Variants in FCRL5 observed in about 807,000 individuals in gnomAD.
FCRL5 encodes Fc receptor like 5, also known as Fc receptor-like protein 5.
A neutral mutation model predicts 92.1 loss-of-function variants in FCRL5; 79 were observed. That is an observed-to-expected ratio of 0.86 (90% CI 0.72 to 1.03). The LOEUF is 1.03. Among genes scored for constraint, FCRL5 ranks in the 50% least tolerant of loss-of-function variants. The probability of loss-of-function intolerance (pLI) is 0.00; values close to 1 mark genes in which losing one functional copy is unlikely to be tolerated. For synonymous variants in FCRL5, 466 were observed against 469.3 expected (o/e 0.99, Z 0.09); for missense variants, 1,160 against 1,181.1 (o/e 0.98, Z 0.26).
At position 157,518,749 on chromosome 1, in the gene FCRL5, G is replaced by C. The variant is rs761577267; in HGVS notation, c.2694C>G (p.Thr898=). The change falls in exon 14 of 17, where the codon ACC becomes ACG. Residue 898 remains threonine (T), a synonymous_variant. Coordinates refer to ENST00000361835, the MANE Select transcript of FCRL5 (RefSeq NM_031281.3). ...CTTCCCAGGCTGGTACATTGTGATA[G>C]GTGGGCTCTTGGGAGTCCGAGTCTG... ...SPSDSDSQEP[T]YHNVPAWEEL... is the part of the protein sequence containing the mutation. 2.5e-6 allele frequency: 4 copies of C among 1,613,552 alleles called. No homozygotes were observed. In the South Asian group the frequency reaches 3.3e-5, roughly 13 times the overall value.
chr1:157,515,986 G>C, intron 15 of FCRL5, 113 bp from the exon 16 acceptor site: 1 of 1,150,384 alleles, frequency 8.7e-7, no homozygotes, highest in Non-Finnish European at 1.3e-6. Context: ...CCCTCTGTGC[G>C]GTGAGTAGCC....
In FCRL5 at chr1:157,524,561, A is replaced by C; in HGVS notation, c.1961-4T>G. On this transcript the variant is annotated splice_polypyrimidine_tract_variant and splice_region_variant and intron_variant, in intron 9 of 16. Transcript: ENST00000361835. ...AGGATGGGACGAGATACTGGAACTG[A>C]GGGAGGAAAAACGTTATGTATCAGC... 1 of 1,572,306 alleles carries C rather than the reference A, an allele frequency of 6.4e-7. No individual in the cohort carries two copies. Among genetic ancestry groups the C allele is most frequent in the Non-Finnish European group, 8.6e-7 (1 of 1,159,850 alleles).
rs751950498 is a variant in FCRL5, at chr1:157,524,269, G to A, written c.2239+10C>T. On this transcript the variant is annotated intron_variant, in intron 10 of 16. Transcript: ENST00000361835. Reference sequence around the variant, plus strand: ...CTCAGATGTGCTGCTGGTGGGCAGGGCCCACTCACCTGCAACTTTCAGTGT... The same window carrying A: ...CTCAGATGTGCTGCTGGTGGGCAGGACCCACTCACCTGCAACTTTCAGTGT... The A allele has an allele frequency of 1.8e-5, 29 of 1,613,850 alleles. No homozygotes were observed. Among genetic ancestry groups the A allele is most frequent in the African/African-American group, 2.7e-5 (2 of 74,942 alleles).
In FCRL5 at chr1:157,526,177, C is replaced by T. The variant is rs77723816; in HGVS notation, c.1960+1440G>A. Among the ~76,000 whole-genome samples, 244 of 152,242 alleles carry T rather than the reference C, an allele frequency of 1.6e-3. 1 individual carries two copies. Among genetic ancestry groups the T allele is most frequent in the African/African-American group, 5.8e-3 (239 of 41,522 alleles). On this transcript the variant is annotated intron_variant, in intron 9 of 16. Transcript: ENST00000361835. ...GAAGAGAGCCAGAAGAAGATAGATT[C>T]ACTGAAGGGAGGGTTTCAAGAAGGA...
chr1:157,520,318 AGAGCGGAT>A (rs771983895), intron 12 of FCRL5, 105 bp downstream of exon 12: 2 of 710,068 alleles, frequency 2.8e-6, no homozygotes, highest in Non-Finnish European at 4.8e-6. Context: ...ATTGAGGGAC[AGAGCGGAT>A]GAGCTCTTGC....
intron 8 of FCRL5, among the ~76,000 whole-genome samples, chr1:157,529,054 C>T (rs1334035844): frequency 1.3e-5 from 2 of 152,214 alleles, no homozygotes; most frequent in African/African-American, 4.8e-5. Context: ...TATTCACAGA[C>T]TATGCATCTG....
At chr1:157,545,691 G>T (rs1207236612) in intron 3 of FCRL5, among the ~76,000 whole-genome samples, 3 of 151,986 alleles carry the variant, frequency 2.0e-5, no homozygotes, top group African/African-American at 7.2e-5. Flanking sequence ...ACCAAGCCCG[G>T]CTAATTTTTT....
chr1:157,521,336 T>C (rs771762327), intron 10 of FCRL5, 44 bp from the exon 11 acceptor site: 5 of 1,545,804 alleles, frequency 3.2e-6, no homozygotes, highest in Middle Eastern at 1.7e-4. Context: ...GCTTCTAACA[T>C]ATTTGTAAGA....
At position 157,514,393 on chromosome 1, in the gene FCRL5, C is replaced by T. The variant is rs753532313; in HGVS notation, c.*1282G>A. 1.1e-4 allele frequency: 16 copies of T among 152,216 alleles called. No individual in the cohort carries two copies. The highest frequency in any genetic ancestry group is 1.9e-4 in the East Asian group (1 of 5,188). The allele number at this position is 152,216 out of a possible 1,614,324, so 9.4% of individuals were successfully genotyped here. ...AACAAAGATAGTGGCAGCTACTTTC[C>T]GCTTCCCAGGGTGGCTGATGAAAGC... On this transcript the variant is annotated 3_prime_UTR_variant, in exon 17 of 17. Coordinates refer to ENST00000361835, the MANE Select transcript of FCRL5 (RefSeq NM_031281.3).
rs1651720958 is a variant in FCRL5 at position 157,549,596 on chromosome 1, A to T, written c.32-16T>A. ...CTGACAGGAGCTGCAAAAAAATAAG[A>T]GCCAGAGATGAGCACAGAACCATGA... is the stretch of plus-strand genomic sequence containing the variant. On this transcript the variant is annotated splice_polypyrimidine_tract_variant and intron_variant, in intron 1 of 16. Coordinates refer to ENST00000361835, the MANE Select transcript of FCRL5 (RefSeq NM_031281.3). 6.2e-7 allele frequency: 1 copy of T among 1,607,368 alleles called. No homozygotes were observed. Among genetic ancestry groups the T allele is most frequent in the Non-Finnish European group, 8.5e-7 (1 of 1,178,990 alleles).
intron 3 of FCRL5, chr1:157,546,251 T>C: frequency 2.2e-6 from 1 of 454,050 alleles, no homozygotes; most frequent in Non-Finnish European, 4.4e-6. Context: ...AGTTCAACAT[T>C]AGCCTGGGCA....
intron 9 of FCRL5, among the ~76,000 whole-genome samples, chr1:157,526,053 A>G (rs1237028019): frequency 6.6e-6 from 1 of 152,232 alleles, no homozygotes; most frequent in Non-Finnish European, 1.5e-5. Flanking sequence ...AGATAAGAGA[A>G]GAGGGCATAA....
rs1558142961 is a variant in FCRL5, at chr1:157,547,115, C to T, written c.135G>A (p.Lys45=). 5 of 1,614,156 alleles carry T rather than the reference C, an allele frequency of 3.1e-6. No individual in the cohort carries two copies. Among genetic ancestry groups the T allele is most frequent in the Non-Finnish European group, 4.2e-6 (5 of 1,180,026 alleles). The change falls in exon 3 of 17, where the codon AAG becomes AAA. Residue 45 remains lysine (K), a synonymous_variant. Coordinates refer to ENST00000361835, the MANE Select transcript of FCRL5 (RefSeq NM_031281.3). ...TCTGTGGTGAGTAGAAGCGAAATCC[C>T]TTGCAAGTGAGGGTCACTCTCTCTC... ...FQGERVTLTC[K]GFRFYSPQKT...
intron 3 of FCRL5, chr1:157,546,079 C>G (rs1227586136): frequency 4.2e-6 from 1 of 238,846 alleles, no homozygotes. Context: ...TATTTATCTA[C>G]CTATGCATTA....
chr1:157,545,588 GT>G, intron 3 of FCRL5, among the ~76,000 whole-genome samples: 1 of 143,994 alleles, frequency 6.9e-6, no homozygotes, highest in East Asian at 2.0e-4. Flanking sequence ...GACTGCAGTG[GT>G]GCTATCTCGG....
Position 157,552,341 on chromosome 1 carries a change from G to A in FCRL5, c.22C>T (p.Leu8=), listed in dbSNP as rs755586903. 2 of 1,614,076 alleles carry A rather than the reference G, an allele frequency of 1.2e-6. No homozygotes were observed. The highest frequency in any genetic ancestry group is 2.2e-5 in the South Asian group (2 of 91,072). MLLWVIL[L]VLAPVSGQFA... is the part of the protein sequence containing the mutation. ...GAGCCCTTTTACTCACCCAGGACCA[G>A]TAATATCACCCACAGCAGCATGAAG... is the stretch of plus-strand genomic sequence containing the variant. Residue 8 remains leucine (L), a synonymous_variant, in exon 1 of 17, where the codon CTG becomes TTG. Transcript: ENST00000361835.
intron 9 of FCRL5, 56 bp downstream of exon 9, chr1:157,527,561 G>T: frequency 6.7e-7 from 1 of 1,491,966 alleles, no homozygotes. Flanking sequence ...TTGGCTACTG[G>T]TAAAGTTAGG....
In FCRL5 at chr1:157,539,268, G is replaced by T. The variant is rs1421920265; in HGVS notation, c.1220C>A (p.Ser407Ter). 6.2e-7 allele frequency: 1 copy of T among 1,614,188 alleles called. No individual in the cohort carries two copies. The highest frequency in any genetic ancestry group is 2.2e-5 in the East Asian group (1 of 44,884). ...ATGAAACTGGTACAGGATGGGGAGT[G>T]AACCTCTCTGGGCTTCACAGTGAAG... ...VTLHCEAQRGSLPILYQFHHE... is the reference protein window; with the variant it reads ...VTLHCEAQRG The change falls in exon 7 of 17, where the codon TCA becomes TAA. Residue 407 changes from serine to a stop codon, truncating the protein, a stop_gained. Transcript: ENST00000361835. LOFTEE classifies it high-confidence loss of function.
Position 157,538,954 on chromosome 1 carries a change from A to T in FCRL5, c.1402+132T>A, listed in dbSNP as rs1651108956. ...AGACAGCTGGTTCAGTGAGCTAGAG[A>T]GTGGAGGAGGATATTAGGTTGTTTC... is the stretch of plus-strand genomic sequence containing the variant. On this transcript the variant is annotated intron_variant, in intron 7 of 16. Coordinates refer to ENST00000361835, the MANE Select transcript of FCRL5 (RefSeq NM_031281.3). 10 of 996,360 alleles carry T rather than the reference A, an allele frequency of 1.0e-5. No individual in the cohort carries two copies. The East Asian group carries it at 2.5e-4, about 25-fold the overall frequency. 61.7% of individuals were successfully genotyped at this position (996,360 alleles called of 1,614,324 possible).
Sources: allele counts gnomAD v4.1 joint callset (sites outside exome capture counted in the v4.1 genomes callset), GRCh38; gene constraint gnomAD v4.1.1; transcripts MANE v1.5; gene names NCBI Gene and HGNC (gene_info 2026-07-23, HGNC 2026-07-21).